The following ANP32A variants were observed in gnomAD, a reference collection of about 807,000 sequenced individuals.
ANP32A encodes acidic leucine-rich nuclear phosphoprotein 32 family member A.
In ANP32A, 1 loss-of-function variant was observed where a neutral mutation model predicts 33.9. The observed-to-expected ratio is 0.03, with a 90% CI of 0.01 to 0.14. ANP32A has a LOEUF of 0.14. Ranked by LOEUF, ANP32A falls within the 10% of genes least tolerant of loss-of-function variation. The pLI, the probability that ANP32A is intolerant of heterozygous loss-of-function variation, is 1.00. For synonymous variants in ANP32A, 115 were observed against 120.5 expected, an observed-to-expected ratio of 0.95 and a Z score of 0.30; for missense variants, 155 against 306.0, an observed-to-expected ratio of 0.51 and a Z score of 3.68.
intron 1 of ANP32A, among the ~76,000 whole-genome samples, chr15:68,801,071 G>A (rs1763184554): frequency 6.6e-6 from 1 of 152,054 alleles, no homozygotes; most frequent in East Asian, 1.9e-4. Flanking sequence ...TACCCACAGG[G>A]GACATTCCAC....
At chr15:68,796,334 G>A (rs952625266) in intron 1 of ANP32A, among the ~76,000 whole-genome samples, 4 of 151,162 alleles carry the variant, frequency 2.6e-5, no homozygotes, top group Non-Finnish European at 4.4e-5. Context: ...ACCTGCCTCC[G>A]CCTCCCAAAG....
intron 1 of ANP32A, chr15:68,790,467 C>T (rs1295968771): frequency 2.0e-5 from 3 of 152,218 alleles, no homozygotes; most frequent in Non-Finnish European, 2.9e-5. Context: ...GAGGCCAGTC[C>T]CTGGCTCCTA....
chr15:68,805,719 G>C (rs1170644825), intron 1 of ANP32A, among the ~76,000 whole-genome samples: 3 of 152,178 alleles, frequency 2.0e-5, no homozygotes, highest in Admixed American at 2.0e-4. Context: ...CATGGGGTCA[G>C]AAGTCCAGTG....
intron 1 of ANP32A, among the ~76,000 whole-genome samples, chr15:68,820,127 G>A (rs1894450925): frequency 6.6e-6 from 1 of 152,020 alleles, no homozygotes; most frequent in Non-Finnish European, 1.5e-5. Flanking sequence ...CGGGGGCCTC[G>A]GCCCACATTT....
At chr15:68,793,898 C>T (rs1179718179) in intron 1 of ANP32A, among the ~76,000 whole-genome samples, 1 of 152,190 alleles carries the variant, frequency 6.6e-6, no homozygotes, top group Non-Finnish European at 1.5e-5. Context: ...AAACAGAGCC[C>T]TTTGAAGGAC....
chr15:68,812,578 A>G lies in ANP32A; in HGVS notation c.54+8120T>C, dbSNP rs114963643. ...GACCCTCAGTGGAGAGGCCTCACAA[A>G]GGTACCAAGGGCATCCTCTCATTCC... is the stretch of plus-strand genomic sequence containing the variant. On this transcript the variant is annotated intron_variant, in intron 1 of 6. Transcript: ENST00000465139. Among the ~76,000 whole-genome samples the G allele has an allele frequency of 8.1e-3, 1,232 of 152,318 alleles. 20 individuals are homozygous for G. Among genetic ancestry groups the G allele is most frequent in the African/African-American group, 0.027 (1,138 of 41,562 alleles).
At chr15:68,811,015 A>G (rs551531177) in intron 1 of ANP32A, among the ~76,000 whole-genome samples, 7 of 151,278 alleles carry the variant, frequency 4.6e-5, no homozygotes, top group African/African-American at 1.7e-4. Context: ...AGCTGAGATC[A>G]AGCCACTGCG....
chr15:68,779,557 C>T lies in ANP32A; in HGVS notation c.*524G>A, dbSNP rs1017769223. 6.5e-6 allele frequency: 1 copy of T among 153,772 alleles called. No homozygotes were observed. Among genetic ancestry groups the T allele is most frequent in the Non-Finnish European group, 1.4e-5 (1 of 69,146 alleles). The allele number at this position is 153,772 out of a possible 1,614,324, so 9.5% of individuals were successfully genotyped here. On this transcript the variant is annotated 3_prime_UTR_variant, in exon 7 of 7. Coordinates refer to ENST00000465139, the MANE Select transcript of ANP32A (RefSeq NM_006305.4). ...GTCCCCAGACCAGTGCCAAAATACG[C>T]CTTTAGGTTGCTATTTACAAACCAG...
chr15:68,779,904 C>CA lies in ANP32A; in HGVS notation c.*176dup. Reference sequence around the variant, plus strand: ...TAAAAATAGTATTTTATTCCACCCCCACCCGCCATCCCTCCCCCCGCAACC... The same window carrying CA: ...TAAAAATAGTATTTTATTCCACCCCCAACCCGCCATCCCTCCCCCCGCAACC... On this transcript the variant is annotated 3_prime_UTR_variant, in exon 7 of 7. Transcript: ENST00000465139. 9.4e-6 allele frequency: 5 copies of CA among 529,494 alleles called. No individual in the cohort carries two copies. The highest frequency in any genetic ancestry group is 1.3e-5 in the Non-Finnish European group (4 of 298,566). 32.8% of individuals were successfully genotyped at this position (529,494 alleles called of 1,614,324 possible). A position where few individuals can be genotyped will look rare whatever the true frequency, so the allele number is the denominator to read the frequency against.
chr15:68,796,709 G>T lies in ANP32A; in HGVS notation c.55-8790C>A, dbSNP rs142090066. Among the ~76,000 whole-genome samples the T allele has an allele frequency of 2.6e-5, 4 of 152,286 alleles. No homozygotes were observed. In the East Asian group the frequency reaches 7.7e-4, roughly 29 times the overall value. Reference sequence around the variant, plus strand: ...CCAAGGTGTAGTGCACAGAATGCTTGTCAGGCACTCTGATGACCTGGGCTT... The same window carrying T: ...CCAAGGTGTAGTGCACAGAATGCTTTTCAGGCACTCTGATGACCTGGGCTT... On this transcript the variant is annotated intron_variant, in intron 1 of 6. Transcript: ENST00000465139.
chr15:68,784,709 C>G, intron 3 of ANP32A, 114 bp from the exon 4 acceptor site: 1 of 1,222,134 alleles, frequency 8.2e-7, no homozygotes, highest in Non-Finnish European at 1.2e-6. Flanking sequence ...CCATGACTTC[C>G]AGGTGATAAG....
rs746761102 is a variant in ANP32A, at chr15:68,787,876, T to C, written c.98A>G (p.Lys33Arg). The C allele has an allele frequency of 5.0e-6, 8 of 1,614,194 alleles. No homozygotes were observed. The highest frequency in any genetic ancestry group is 6.8e-6 in the Non-Finnish European group (8 of 1,180,026). ...AAATTCATCTGTGAGGCCTTCGAGT[T>C]TGCCTTCATTCGACCGACTGTTGTC... ...VLDNSRSNEGKLEGLTDEFEE... is the reference protein window; with the variant it reads ...VLDNSRSNEGRLEGLTDEFEE... Residue 33 changes from lysine to arginine, a missense_variant, in exon 2 of 7, where the codon AAA becomes AGA. Physicochemically the swap from Lys to Arg is conservative, Grantham distance 26. Transcript: ENST00000465139.
At chr15:68,814,349 C>T (rs1429736213) in intron 1 of ANP32A, among the ~76,000 whole-genome samples, 2 of 151,806 alleles carry the variant, frequency 1.3e-5, no homozygotes, top group East Asian at 1.9e-4. Context: ...CACTTGAGTC[C>T]AGGAGTTTGA....
chr15:68,808,722 T>C (rs1389438599), intron 1 of ANP32A, among the ~76,000 whole-genome samples: 1 of 152,126 alleles, frequency 6.6e-6, no homozygotes, highest in South Asian at 2.1e-4. Flanking sequence ...TTCCTCTAAA[T>C]TGAGAATGAC....
chr15:68,794,487 G>A (rs1457909124), intron 1 of ANP32A, among the ~76,000 whole-genome samples: 1 of 152,174 alleles, frequency 6.6e-6, no homozygotes. Context: ...TTGGTTTTCA[G>A]GTTCCAGTCT....
At chr15:68,796,450 T>C (rs1256029466) in intron 1 of ANP32A, among the ~76,000 whole-genome samples, 1 of 152,138 alleles carries the variant, frequency 6.6e-6, no homozygotes, top group East Asian at 1.9e-4. Flanking sequence ...CCTGACCTCA[T>C]GTGATCCACC....
chr15:68,782,620 T>G (rs1202460766), intron 5 of ANP32A, among the ~76,000 whole-genome samples: 1 of 152,136 alleles, frequency 6.6e-6, no homozygotes, highest in Non-Finnish European at 1.5e-5. Context: ...TCAATGAATA[T>G]CTTAATTAGC....
At chr15:68,807,391 T>C (rs1384765388) in intron 1 of ANP32A, among the ~76,000 whole-genome samples, 2 of 139,086 alleles carry the variant, frequency 1.4e-5, no homozygotes, top group African/African-American at 5.1e-5. Context: ...GCCTGCAGCT[T>C]GGCTGGTATT....
intron 1 of ANP32A, among the ~76,000 whole-genome samples, chr15:68,801,638 C>T (rs1476028419): frequency 1.3e-5 from 2 of 152,120 alleles, no homozygotes; most frequent in East Asian, 3.9e-4. Flanking sequence ...CAACTGATTC[C>T]CCCACACTGC....
Sources: gnomAD v4.1 joint callset for allele counts (sites outside exome capture counted in the v4.1 genomes callset) on GRCh38, gnomAD v4.1.1 for gene constraint, MANE v1.5 for transcripts, NCBI Gene and HGNC (gene_info 2026-07-23, HGNC 2026-07-21) for gene names.